SUGCT: variants seen among roughly 807,000 people sequenced by gnomAD.
The protein encoded by SUGCT is succinyl-CoA:glutarate CoA-transferase.
SUGCT carries 41 observed loss-of-function variants against 55.0 expected under a neutral mutation model. The ratio of observed to expected loss-of-function variants is 0.74; its 90% CI spans 0.58 to 0.97. The LOEUF (loss-of-function observed/expected upper bound fraction) is 0.97. Ranked by LOEUF, SUGCT falls within the 50% of genes least tolerant of loss-of-function variation. The pLI is 0.00. For missense variants in SUGCT, 568 were observed against 547.8 expected (o/e 1.04, Z -0.37); for synonymous variants, 187 against 200.4 (o/e 0.93, Z 0.56).
chr7:40,965,142 G>C, the SUGCT span: 1 of 152,160 alleles, frequency 6.6e-6, no homozygotes, highest in Non-Finnish European at 1.5e-5. Flanking sequence ...ACATCACTCA[G>C]CATTTCCCAT....
chr7:40,554,539 G>T (rs924105230), intron 12 of SUGCT, among the ~76,000 whole-genome samples: 1 of 152,186 alleles, frequency 6.6e-6, no homozygotes, highest in Admixed American at 6.5e-5. Context: ...ATGTTTTATT[G>T]TGTGGGTAAT....
At chr7:40,961,255 G>C in the SUGCT span, among the ~76,000 whole-genome samples, 1 of 152,170 alleles carries the variant, frequency 6.6e-6, no homozygotes, top group Admixed American at 6.5e-5. Flanking sequence ...TCATCCATAT[G>C]TAGGCCCTTT....
the SUGCT span, among the ~76,000 whole-genome samples, chr7:40,936,292 T>G: frequency 2.0e-5 from 3 of 151,626 alleles, no homozygotes; most frequent in Non-Finnish European, 4.4e-5. Flanking sequence ...TCTTTTCAGA[T>G]TTTTCATTTC....
intron 12 of SUGCT, among the ~76,000 whole-genome samples, chr7:40,714,468 C>G (rs1007284776): frequency 6.6e-6 from 1 of 151,598 alleles, no homozygotes; most frequent in Non-Finnish European, 1.5e-5. Flanking sequence ...AGCTATGGTT[C>G]TGCTGTAGTT....
intron 12 of SUGCT, among the ~76,000 whole-genome samples, chr7:40,589,295 A>G (rs1016179776): frequency 6.6e-6 from 1 of 152,102 alleles, no homozygotes. Flanking sequence ...AATGCATGAG[A>G]CTGGGTAATT....
At chr7:40,867,195 A>G in the SUGCT span, among the ~76,000 whole-genome samples, 1 of 149,240 alleles carries the variant, frequency 6.7e-6, no homozygotes, top group African/African-American at 2.4e-5. Flanking sequence ...ATATATATTT[A>G]TGTCTCTATA....
intron 7 of SUGCT, among the ~76,000 whole-genome samples, chr7:40,265,022 G>T (rs1269224067): frequency 6.6e-6 from 1 of 152,008 alleles, no homozygotes; most frequent in Non-Finnish European, 1.5e-5. Context: ...TGACAACTGA[G>T]AAAAAAACTA....
chr7:40,231,758 T>G (rs1788737862), intron 6 of SUGCT, among the ~76,000 whole-genome samples: 1 of 152,176 alleles, frequency 6.6e-6, no homozygotes, highest in Non-Finnish European at 1.5e-5. Context: ...TGGAAAGCCC[T>G]TAAAAAGCTT....
intron 12 of SUGCT, among the ~76,000 whole-genome samples, chr7:40,683,359 C>G (rs1286342152): frequency 6.6e-6 from 1 of 152,166 alleles, no homozygotes; most frequent in African/African-American, 2.4e-5. Flanking sequence ...AGTTTTTCCA[C>G]CTGTGCTCAA....
the SUGCT span, among the ~76,000 whole-genome samples, chr7:41,001,938 C>T: frequency 6.6e-6 from 1 of 152,194 alleles, no homozygotes; most frequent in Non-Finnish European, 1.5e-5. Context: ...TTAGCCAAGG[C>T]AGGAGCCAAG....
intron 12 of SUGCT, among the ~76,000 whole-genome samples, chr7:40,573,765 AG>A (rs1796576728): frequency 6.6e-6 from 1 of 152,172 alleles, no homozygotes; most frequent in African/African-American, 2.4e-5. Flanking sequence ...TGAGGCTCAG[AG>A]TTTGAGGAGA....
the SUGCT span, among the ~76,000 whole-genome samples, chr7:40,975,052 C>T: frequency 5.3e-5 from 8 of 152,132 alleles, no homozygotes; most frequent in Non-Finnish European, 1.0e-4. Flanking sequence ...AGTGAGTGAA[C>T]AAATGTTAAT....
At position 40,570,934 on chromosome 7, in the gene SUGCT, A is replaced by G. The variant is rs188574508; in HGVS notation, c.1089+74548A>G. On this transcript the variant is annotated intron_variant, in intron 12 of 13. Transcript: ENST00000335693. ...GAGTGGAGTGGCATGATGTTGGCTT[A>G]CTGCAACCTCCGCCTCCTGGATTCA... Among the ~76,000 whole-genome samples the G allele has an allele frequency of 5.2e-3, 632 of 121,056 alleles. 7 individuals are homozygous for G. Among genetic ancestry groups the G allele is most frequent in the African/African-American group, 0.019 (600 of 31,364 alleles). 79.4% of individuals were successfully genotyped at this position (121,056 alleles called of 152,430 possible). A position where few individuals can be genotyped will look rare whatever the true frequency, so the allele number is the denominator to read the frequency against.
chr7:40,238,809 T>C (rs1403340917), intron 7 of SUGCT, among the ~76,000 whole-genome samples: 1 of 144,412 alleles, frequency 6.9e-6, no homozygotes, highest in African/African-American at 2.6e-5. Flanking sequence ...GAAAAAAATG[T>C]GTGTGGCCTT....
chr7:40,996,672 G>A, the SUGCT span, among the ~76,000 whole-genome samples: 1 of 152,148 alleles, frequency 6.6e-6, no homozygotes, highest in Non-Finnish European at 1.5e-5. Context: ...GATGCCTTTT[G>A]TGCCAAGAAT....
chr7:40,894,017 G>A, the SUGCT span, among the ~76,000 whole-genome samples: 1 of 148,024 alleles, frequency 6.8e-6, no homozygotes, highest in African/African-American at 2.5e-5. Flanking sequence ...TCATGCCACT[G>A]CACTCCAGCC....
At chr7:40,438,844 AAGG>A (rs1320236933) in intron 9 of SUGCT, among the ~76,000 whole-genome samples, 3 of 151,472 alleles carry the variant, frequency 2.0e-5, no homozygotes, top group Non-Finnish European at 4.4e-5. Flanking sequence ...AGGAGAAGAG[AAGG>A]AGGAGTGATT....
intron 9 of SUGCT, among the ~76,000 whole-genome samples, chr7:40,340,002 A>C (rs558112774): frequency 1.1e-4 from 16 of 152,224 alleles, no homozygotes; most frequent in Non-Finnish European, 2.4e-4. Context: ...ATATACATGC[A>C]TGATTTTTGC....
chr7:40,333,390 A>C (rs1039286631), intron 9 of SUGCT, among the ~76,000 whole-genome samples: 3 of 151,760 alleles, frequency 2.0e-5, no homozygotes, highest in Non-Finnish European at 4.4e-5. Context: ...TAATCCCAGC[A>C]CTTTGGGAGG....
Sources: allele counts gnomAD v4.1 joint callset (sites outside exome capture counted in the v4.1 genomes callset), GRCh38; gene constraint gnomAD v4.1.1; transcripts MANE v1.5; gene names NCBI Gene and HGNC (gene_info 2026-07-23, HGNC 2026-07-21).